Variants in KCNIP4 observed in about 807,000 individuals in gnomAD.
KCNIP4 encodes Kv channel-interacting protein 4.
In KCNIP4, 12 loss-of-function variants were observed where a neutral mutation model predicts 34.0. The observed-to-expected ratio is 0.35, with a 90% CI of 0.23 to 0.57. KCNIP4 has a LOEUF of 0.57. Among genes scored for constraint, KCNIP4 ranks in the 20% least tolerant of loss-of-function variants. KCNIP4 has a pLI of 0.83. For synonymous variants in KCNIP4, 124 were observed against 102.2 expected (o/e 1.21, Z -1.29); for missense variants, 238 against 311.7 (o/e 0.76, Z 1.78).
chr4:21,629,868 T>TTTTTTTC (rs1745606131), intron 1 of KCNIP4, among the ~76,000 whole-genome samples: 1 of 144,662 alleles, frequency 6.9e-6, no homozygotes, highest in Non-Finnish European at 1.5e-5. Flanking sequence ...TTTTTTTTTT[T>TTTTTTTC]GAGACAGGGT....
chr4:21,719,113 A>G (rs1714603598), intron 1 of KCNIP4: 1 of 152,216 alleles, frequency 6.6e-6, no homozygotes, highest in Non-Finnish European at 1.5e-5. Flanking sequence ...TAAAACCCCT[A>G]CAGTTGCTAA....
chr4:21,362,534 T>C (rs934670809), intron 1 of KCNIP4, among the ~76,000 whole-genome samples: 3 of 152,176 alleles, frequency 2.0e-5, no homozygotes, highest in East Asian at 1.9e-4. Context: ...GAATACATTA[T>C]ATCTGAACCT....
At chr4:20,733,159 G>T (rs979785621) in intron 6 of KCNIP4, among the ~76,000 whole-genome samples, 10 of 152,028 alleles carry the variant, frequency 6.6e-5, no homozygotes, top group African/African-American at 2.4e-4. Context: ...CATCTATTGA[G>T]AATCAAATAT....
chr4:21,516,526 T>G (rs895458696), intron 1 of KCNIP4, among the ~76,000 whole-genome samples: 2 of 152,192 alleles, frequency 1.3e-5, no homozygotes, highest in Non-Finnish European at 2.9e-5. Context: ...TGTTGACATC[T>G]GTCAGAGTCA....
intron 1 of KCNIP4, among the ~76,000 whole-genome samples, chr4:21,247,836 C>A (rs1402668804): frequency 8.3e-6 from 1 of 121,094 alleles, no homozygotes; most frequent in Non-Finnish European, 1.7e-5. Context: ...CACACACAGA[C>A]ACCACAGGTG....
chr4:20,856,519 G>GT lies in KCNIP4; in HGVS notation c.164-5853dup, dbSNP rs1275564597. The stretch of plus-strand genomic sequence containing the variant: ...CTCATGTTTGTTTTCTCCATTGTGA[G>GT]TTTTTTTTGCAGACAAGATCAATAT... On this transcript the variant is annotated intron_variant, in intron 2 of 8. Transcript: ENST00000382152. Among the ~76,000 whole-genome samples the GT allele has an allele frequency of 1.4e-4, 22 of 151,970 alleles. No homozygotes were observed. The South Asian group carries it at 2.9e-3, about 20-fold the overall frequency.
At chr4:21,595,404 G>T (rs969883582) in intron 1 of KCNIP4, among the ~76,000 whole-genome samples, 4 of 152,014 alleles carry the variant, frequency 2.6e-5, no homozygotes, top group Non-Finnish European at 1.5e-5. Context: ...ATGGGCATTT[G>T]GGTGGGTTCC....
intron 1 of KCNIP4, among the ~76,000 whole-genome samples, chr4:21,460,198 T>C (rs1015073875): frequency 3.3e-5 from 5 of 150,920 alleles, no homozygotes; most frequent in Non-Finnish European, 5.9e-5. Context: ...TCCTGCGGCC[T>C]TGGGGCATTC....
At chr4:20,730,636 C>T (rs190545637) in intron 8 of KCNIP4, among the ~76,000 whole-genome samples, 2 of 152,268 alleles carry the variant, frequency 1.3e-5, no homozygotes, top group African/African-American at 2.4e-5. Flanking sequence ...CTCTTTCTGT[C>T]TGCTAGTTAT....
chr4:21,795,786 T>G, intron 1 of KCNIP4, among the ~76,000 whole-genome samples: 1 of 152,010 alleles, frequency 6.6e-6, no homozygotes, highest in African/African-American at 2.4e-5. Context: ...TAAATAAATT[T>G]CCCGGGTGTG....
intron 1 of KCNIP4, among the ~76,000 whole-genome samples, chr4:21,054,577 A>G (rs1323995150): frequency 1.3e-5 from 2 of 151,918 alleles, no homozygotes; most frequent in Non-Finnish European, 2.9e-5. Flanking sequence ...AGAATTCAAA[A>G]ATAGTCCCAC....
At chr4:20,826,366 G>A (rs537303271) in intron 3 of KCNIP4, among the ~76,000 whole-genome samples, 1 of 152,186 alleles carries the variant, frequency 6.6e-6, no homozygotes, top group East Asian at 1.9e-4. Flanking sequence ...CTTGAGCCTA[G>A]GAGTTTGAGA....
At chr4:21,225,413 C>T (rs1005032974) in intron 1 of KCNIP4, among the ~76,000 whole-genome samples, 2 of 152,080 alleles carry the variant, frequency 1.3e-5, no homozygotes, top group Admixed American at 6.6e-5. Context: ...GGGAGAATGA[C>T]GATATACCCC....
chr4:21,534,468 A>T (rs895135002), intron 1 of KCNIP4, among the ~76,000 whole-genome samples: 4 of 152,182 alleles, frequency 2.6e-5, no homozygotes, highest in African/African-American at 4.8e-5. Context: ...GAGGAAATAA[A>T]GGTAAAGTGA....
intron 1 of KCNIP4, among the ~76,000 whole-genome samples, chr4:21,874,298 A>T (rs1426554553): frequency 6.6e-6 from 1 of 152,204 alleles, no homozygotes; most frequent in East Asian, 1.9e-4. Flanking sequence ...TGCTAAATGT[A>T]TCTTTTAATA....
At chr4:21,622,928 T>C (rs1311159658) in intron 1 of KCNIP4, among the ~76,000 whole-genome samples, 1 of 151,718 alleles carries the variant, frequency 6.6e-6, no homozygotes, top group Non-Finnish European at 1.5e-5. Flanking sequence ...TGGGAAGATT[T>C]CAAATACAAT....
intron 1 of KCNIP4, among the ~76,000 whole-genome samples, chr4:21,747,372 G>A (rs529326523): frequency 1.1e-4 from 17 of 152,050 alleles, no homozygotes; most frequent in Non-Finnish European, 2.2e-4. Flanking sequence ...AGAGGCATGC[G>A]TTCTGTAGAC....
rs183075767 is a variant in KCNIP4, at chr4:21,629,388, C to A, written c.61+319183G>T. 5.9e-5 allele frequency among the ~76,000 whole-genome samples: 9 copies of A among 152,250 alleles called. No individual in the cohort carries two copies. The South Asian group carries it at 1.0e-3, about 18-fold the overall frequency. ...GGAATTAGCTTGCCTAGTTTCATGG[C>A]TCCTTAAGGAAGCAATAATACTAAC... On this transcript the variant is annotated intron_variant, in intron 1 of 8. Coordinates refer to ENST00000382152, the MANE Select transcript of KCNIP4 (RefSeq NM_025221.6).
intron 1 of KCNIP4, among the ~76,000 whole-genome samples, chr4:21,742,558 A>G (rs1033277071): frequency 6.6e-6 from 1 of 152,182 alleles, no homozygotes; most frequent in Non-Finnish European, 1.5e-5. Flanking sequence ...TCAAGTTCCA[A>G]TTACTTGTGA....
Sources: gnomAD v4.1 joint callset for allele counts (sites outside exome capture counted in the v4.1 genomes callset) on GRCh38, gnomAD v4.1.1 for gene constraint, MANE v1.5 for transcripts, NCBI Gene and HGNC (gene_info 2026-07-23, HGNC 2026-07-21) for gene names.